Variants in AGBL4 observed in about 807,000 individuals in gnomAD.
AGBL4 encodes the protein AGBL carboxypeptidase 4.
A neutral mutation model predicts 66.4 loss-of-function variants in AGBL4; 58 were observed. The observed-to-expected ratio is 0.87, with a 90% CI of 0.71 to 1.09. The LOEUF (loss-of-function observed/expected upper bound fraction) is 1.09. AGBL4 is among the 50% of genes least tolerant of loss of function. The probability of loss-of-function intolerance (pLI) is 0.00; values close to 1 mark genes in which losing one functional copy is unlikely to be tolerated. For synonymous variants in AGBL4, 234 were observed against 222.9 expected, an observed-to-expected ratio of 1.05 and a Z score of -0.44; for missense variants, 579 against 631.0, an observed-to-expected ratio of 0.92 and a Z score of 0.88.
chr1:48,886,940 G>T (rs1344962966), intron 5 of AGBL4, among the ~76,000 whole-genome samples: 1 of 152,198 alleles, frequency 6.6e-6, no homozygotes, highest in Admixed American at 6.5e-5. Flanking sequence ...GTTTCAGGAT[G>T]ATGAGGTCAA....
intron 2 of AGBL4, chr1:49,845,593 T>A (rs1646119379): frequency 2.5e-6 from 4 of 1,606,108 alleles, no homozygotes; most frequent in African/African-American, 1.3e-5. Flanking sequence ...GTGCCATGAG[T>A]GTGGAAAAGC....
intron 8 of AGBL4, among the ~76,000 whole-genome samples, chr1:48,634,914 T>C (rs915333562): frequency 1.3e-5 from 2 of 152,174 alleles, no homozygotes; most frequent in African/African-American, 4.8e-5. Flanking sequence ...CACATGCACA[T>C]CTTCTCCACA....
chr1:49,038,032 C>T (rs752755756), intron 5 of AGBL4, among the ~76,000 whole-genome samples: 30 of 152,012 alleles, frequency 2.0e-4, no homozygotes, highest in Non-Finnish European at 4.1e-4. Context: ...AATTTAAGTG[C>T]TACCTTCTAA....
At chr1:49,648,846 TAAA>T (rs1645945053) in intron 3 of AGBL4, among the ~76,000 whole-genome samples, 1 of 150,984 alleles carries the variant, frequency 6.6e-6, no homozygotes, top group African/African-American at 2.4e-5. Context: ...AAAGAAATGT[TAAA>T]AGAAATTATT....
chr1:48,622,353 G>A (rs564205910), intron 9 of AGBL4, among the ~76,000 whole-genome samples: 4 of 152,006 alleles, frequency 2.6e-5, no homozygotes, highest in Admixed American at 6.6e-5. Context: ...CATGGTACCC[G>A]GAGCCCTTGT....
At chr1:48,668,151 C>G (rs1646218879) in intron 6 of AGBL4, among the ~76,000 whole-genome samples, 1 of 152,078 alleles carries the variant, frequency 6.6e-6, no homozygotes, top group African/African-American at 2.4e-5. Context: ...CTCCAGTACT[C>G]CAGGGCCCAA....
intron 9 of AGBL4, 91 bp from the exon 10 acceptor site, chr1:48,591,076 ACACACACCCACCCACCCCCCCC>A (rs1229116257): frequency 6.1e-5 from 55 of 906,888 alleles, no homozygotes; most frequent in Middle Eastern, 6.9e-4. Flanking sequence ...CACACCCCCC[ACACACACCCACCCACCCCCCCC>A]CACACACACA....
intron 4 of AGBL4, among the ~76,000 whole-genome samples, chr1:49,173,774 G>A (rs1646781111): frequency 6.6e-6 from 1 of 152,004 alleles, no homozygotes; most frequent in Non-Finnish European, 1.5e-5. Flanking sequence ...TGAACCATGT[G>A]GATCTCTTGG....
At chr1:49,008,777 A>G (rs1662094563) in intron 5 of AGBL4, among the ~76,000 whole-genome samples, 1 of 148,430 alleles carries the variant, frequency 6.7e-6, no homozygotes, top group South Asian at 2.3e-4. Flanking sequence ...CTGAATGACT[A>G]CTGGGTACAT....
At chr1:49,892,009 G>A (rs1648707006) in intron 1 of AGBL4, among the ~76,000 whole-genome samples, 1 of 152,106 alleles carries the variant, frequency 6.6e-6, no homozygotes, top group African/African-American at 2.4e-5. Flanking sequence ...ACTGGAAAAA[G>A]CCCTGATCTG....
At chr1:48,775,092 CAA>C (rs1451763785) in intron 6 of AGBL4, among the ~76,000 whole-genome samples, 1 of 152,154 alleles carries the variant, frequency 6.6e-6, no homozygotes, top group Non-Finnish European at 1.5e-5. Flanking sequence ...AGTAAGCAAA[CAA>C]AATAAAACCT....
chr1:49,577,659 C>T (rs987537001), intron 3 of AGBL4, among the ~76,000 whole-genome samples: 1 of 152,220 alleles, frequency 6.6e-6, no homozygotes, highest in Non-Finnish European at 1.5e-5. Flanking sequence ...GTATTCCACA[C>T]AGCATTGCCT....
At chr1:49,473,540 C>A (rs924090057) in intron 3 of AGBL4, among the ~76,000 whole-genome samples, 28 of 151,906 alleles carry the variant, frequency 1.8e-4, no homozygotes, top group African/African-American at 2.4e-5. Context: ...GGATACTAGA[C>A]CTCTGTCAGT....
At chr1:49,783,399 G>A (rs1462808773) in intron 2 of AGBL4, among the ~76,000 whole-genome samples, 1 of 151,922 alleles carries the variant, frequency 6.6e-6, no homozygotes, top group Non-Finnish European at 1.5e-5. Context: ...ACAGTAATAG[G>A]GTAAAGGACA....
chr1:49,137,567 G>A (rs1054044212), intron 4 of AGBL4, among the ~76,000 whole-genome samples: 7 of 152,238 alleles, frequency 4.6e-5, no homozygotes, highest in South Asian at 4.1e-4. Context: ...TAATACTTAT[G>A]ATCTGCCAAT....
intron 8 of AGBL4, among the ~76,000 whole-genome samples, chr1:48,641,445 T>C (rs990548240): frequency 5.9e-5 from 9 of 152,078 alleles, no homozygotes; most frequent in African/African-American, 2.2e-4. Context: ...TCTTAGATCA[T>C]CATGACGAGG....
chr1:49,934,975 G>A (rs1653791246), intron 1 of AGBL4, among the ~76,000 whole-genome samples: 1 of 152,240 alleles, frequency 6.6e-6, no homozygotes, highest in African/African-American at 2.4e-5. Context: ...GTGCCAGACA[G>A]TGGGCACAGG....
intron 3 of AGBL4, among the ~76,000 whole-genome samples, chr1:49,392,059 G>A (rs1381671643): frequency 6.6e-6 from 1 of 152,188 alleles, no homozygotes; most frequent in Non-Finnish European, 1.5e-5. Context: ...AGTAAAGTGT[G>A]CCTAGGTGAT....
intron 2 of AGBL4, among the ~76,000 whole-genome samples, chr1:49,849,439 T>A (rs1247372541): frequency 6.8e-6 from 1 of 146,882 alleles, no homozygotes; most frequent in Non-Finnish European, 1.5e-5. Context: ...ATTATGTATA[T>A]TCTGGTAAGA....
Sources: gnomAD v4.1 joint callset for allele counts (sites outside exome capture counted in the v4.1 genomes callset) on GRCh38, gnomAD v4.1.1 for gene constraint, MANE v1.5 for transcripts, NCBI Gene and HGNC (gene_info 2026-07-23, HGNC 2026-07-21) for gene names.